ARAP2: variants seen among roughly 807,000 people sequenced by gnomAD.
ARAP2 encodes ArfGAP with RhoGAP domain, ankyrin repeat and PH domain 2.
ARAP2 carries 148 observed loss-of-function variants against 194.5 expected under a neutral mutation model. The ratio of observed to expected loss-of-function variants is 0.76; its 90% CI spans 0.67 to 0.87. The LOEUF is 0.87. Ranked by LOEUF, ARAP2 falls within the 40% of genes least tolerant of loss-of-function variation. The pLI is 0.00. For missense variants in ARAP2, 2,128 were observed against 1,989.7 expected (o/e 1.07, Z -1.32); for synonymous variants, 695 against 683.5 (o/e 1.02, Z -0.26).
intron 3 of ARAP2, among the ~76,000 whole-genome samples, chr4:36,050,840 G>A (rs1030434391): frequency 1.3e-5 from 2 of 152,102 alleles, no homozygotes; most frequent in South Asian, 2.1e-4. Context: ...ATATTCCAGC[G>A]CTCTATTGCA....
Position 36,244,153 on chromosome 4 carries a change from GCCTTCCCGAGGCCC to G in ARAP2, c.-160+12_-160+25del, listed in dbSNP as rs1395810181. The stretch of plus-strand genomic sequence containing the variant: ...CCCCCGCGTGGGCCATCCCGGCCCA[GCCTTCCCGAGGCCC>G]CGGGTACTCGCCTTGCGCTCGGGTC... On this transcript the variant is annotated intron_variant, in intron 1 of 32. Coordinates refer to ENST00000303965, the MANE Select transcript of ARAP2 (RefSeq NM_015230.4). 2 of 152,158 alleles carry G rather than the reference GCCTTCCCGAGGCCC, an allele frequency of 1.3e-5. No individual in the cohort carries two copies. The highest frequency in any genetic ancestry group is 2.9e-5 in the Non-Finnish European group (2 of 68,048). 9.4% of individuals were successfully genotyped at this position (152,158 alleles called of 1,614,324 possible).
At chr4:36,039,460 C>T (rs1350108023) in intron 5 of ARAP2, among the ~76,000 whole-genome samples, 3 of 152,222 alleles carry the variant, frequency 2.0e-5, no homozygotes, top group Middle Eastern at 3.4e-3. Flanking sequence ...CAAATTGGAC[C>T]ACTGGCGGTT....
chr4:36,189,056 A>G (rs976360622), intron 7 of ARAP2, among the ~76,000 whole-genome samples: 1 of 152,178 alleles, frequency 6.6e-6, no homozygotes, highest in African/African-American at 2.4e-5. Context: ...TACCAATGCA[A>G]TGAAGGCTCT....
At chr4:36,008,574 C>G (rs1713794229) in intron 9 of ARAP2, among the ~76,000 whole-genome samples, 1 of 151,942 alleles carries the variant, frequency 6.6e-6, no homozygotes, top group East Asian at 1.9e-4. Context: ...AATGTAAAAC[C>G]TCAAACTATA....
At chr4:36,236,250 T>C (rs1560741080) in intron 1 of ARAP2, among the ~76,000 whole-genome samples, 1 of 151,200 alleles carries the variant, frequency 6.6e-6, no homozygotes, top group East Asian at 1.9e-4. Context: ...AAAGCCACTA[T>C]AGTAAGCCCC....
chr4:36,073,581 T>G, intron 32 of ARAP2, 108 bp downstream of exon 32: 7 of 1,256,642 alleles, frequency 5.6e-6, no homozygotes, highest in Non-Finnish European at 7.7e-6. Context: ...ACAAAGTGAT[T>G]ATTATTGTGC....
intron 2 of ARAP2, among the ~76,000 whole-genome samples, chr4:36,056,495 A>G (rs1309915459): frequency 1.3e-5 from 2 of 152,188 alleles, no homozygotes; most frequent in East Asian, 3.8e-4. Flanking sequence ...TTAGATTACT[A>G]TCTGCAGAGT....
rs553796393 is a variant in ARAP2, at chr4:36,051,603, T to C, written n.369+403A>G. Among the ~76,000 whole-genome samples the C allele has an allele frequency of 2.2e-4, 33 of 152,324 alleles. 1 individual carries two copies. In the South Asian group the frequency reaches 5.8e-3, roughly 27 times the overall value. ...AGGAAGATAAATTGATTTTGTAATT[T>C]TCTCGTTGTTTTCTAATGTTTACAT... On this transcript the variant is annotated intron_variant and non_coding_transcript_variant, in intron 3 of 12. Transcript: ENST00000503225.
At chr4:36,155,259 GA>G (rs1250302857) in intron 15 of ARAP2, among the ~76,000 whole-genome samples, 3 of 152,182 alleles carry the variant, frequency 2.0e-5, no homozygotes, top group African/African-American at 7.2e-5. Flanking sequence ...ACTTCAGGGG[GA>G]AAGAGAAACA....
chr4:36,064,908 G>A (rs914152393), downstream of ARAP2, among the ~76,000 whole-genome samples: 4 of 152,182 alleles, frequency 2.6e-5, no homozygotes, highest in African/African-American at 9.7e-5. Context: ...TGATGAGAAA[G>A]GAGACAAGGG....
chr4:36,076,843 T>G (rs962417082), intron 31 of ARAP2, among the ~76,000 whole-genome samples: 1 of 152,162 alleles, frequency 6.6e-6, no homozygotes, highest in East Asian at 1.9e-4. Flanking sequence ...GTGGCCAAAA[T>G]AGAACTCTCC....
At chr4:36,060,073 A>C (rs1384402830) in intron 1 of ARAP2, among the ~76,000 whole-genome samples, 1 of 152,144 alleles carries the variant, frequency 6.6e-6, no homozygotes, top group African/African-American at 2.4e-5. Flanking sequence ...TGCTACTTCT[A>C]TCTTATGAAG....
chr4:36,215,568 A>C (rs1270956482), intron 2 of ARAP2, among the ~76,000 whole-genome samples: 2 of 152,222 alleles, frequency 1.3e-5, no homozygotes, highest in African/African-American at 4.8e-5. Context: ...TAAAACCCTA[A>C]AAAACATTGA....
intron 27 of ARAP2, among the ~76,000 whole-genome samples, chr4:36,092,801 G>A (rs919670132): frequency 2.0e-5 from 3 of 151,524 alleles, no homozygotes; most frequent in African/African-American, 7.3e-5. Context: ...TATTTCTTTT[G>A]AACCCCACTG....
intron 27 of ARAP2, among the ~76,000 whole-genome samples, chr4:36,106,751 T>C (rs1337835951): frequency 6.6e-6 from 1 of 151,852 alleles, no homozygotes; most frequent in African/African-American, 2.4e-5. Context: ...ATTCAAAAGG[T>C]AATATAACTT....
rs1015296704 is a variant in ARAP2 at position 36,117,140 on chromosome 4, A to G, written c.3964-5T>C. The stretch of plus-strand genomic sequence containing the variant: ...CAAATCTCCAGCCTGGGAAACCTAG[A>G]AAAGGGCAGAGGTAGAAACAACACA... On this transcript the variant is annotated splice_polypyrimidine_tract_variant and splice_region_variant and intron_variant, in intron 24 of 32. Transcript: ENST00000303965. 1 of 1,590,376 alleles carries G rather than the reference A, an allele frequency of 6.3e-7. No homozygotes were observed. Among genetic ancestry groups the G allele is most frequent in the East Asian group, 2.3e-5 (1 of 43,672 alleles).
At chr4:36,085,032 G>T (rs1337584160) in intron 28 of ARAP2, among the ~76,000 whole-genome samples, 6 of 152,092 alleles carry the variant, frequency 3.9e-5, no homozygotes, top group South Asian at 2.1e-4. Flanking sequence ...TTAAGTGTGA[G>T]CGTGTATTTA....
chr4:36,075,084 G>T (rs1577755066), intron 31 of ARAP2, among the ~76,000 whole-genome samples: 1 of 151,986 alleles, frequency 6.6e-6, no homozygotes, highest in African/African-American at 2.4e-5. Flanking sequence ...ACCAAACATG[G>T]TTAAAAAAAG....
chr4:36,126,298 G>A (rs544805251), intron 21 of ARAP2, among the ~76,000 whole-genome samples: 60 of 151,888 alleles, frequency 4.0e-4, no homozygotes, highest in Middle Eastern at 3.4e-3. Flanking sequence ...ACACTACTAC[G>A]CTTAAAACAA....
Sources: allele counts gnomAD v4.1 joint callset (sites outside exome capture counted in the v4.1 genomes callset), GRCh38; gene constraint gnomAD v4.1.1; transcripts MANE v1.5; gene names NCBI Gene and HGNC (gene_info 2026-07-23, HGNC 2026-07-21).